Variants in CLIP2 observed in about 807,000 individuals in gnomAD.
CLIP2 encodes the protein CAP-Gly domain containing linker protein 2.
Under a neutral mutation model 111.7 loss-of-function variants are expected in CLIP2, and 41 were observed. That is an observed-to-expected ratio of 0.37 (90% confidence interval 0.29 to 0.48). The LOEUF is 0.48. CLIP2 is among the 20% of genes least tolerant of loss of function. The pLI, the probability that CLIP2 is intolerant of heterozygous loss-of-function variation, is 0.99. For missense variants in CLIP2, 1,160 were observed against 1,422.1 expected (o/e 0.82, Z 2.96); for synonymous variants, 660 against 644.2 (o/e 1.02, Z -0.37).
chr7:74,391,769 G>A (rs540592881), intron 13 of CLIP2, among the ~76,000 whole-genome samples: 3 of 151,988 alleles, frequency 2.0e-5, no homozygotes, highest in East Asian at 1.9e-4. Flanking sequence ...GCAGTGAGTC[G>A]AGATTGTGCC....
chr7:74,403,768 TC>T (rs1380812371), intron 16 of CLIP2, 68 bp from the exon 17 acceptor site: 4 of 1,563,376 alleles, frequency 2.6e-6, no homozygotes, highest in Non-Finnish European at 3.5e-6. Flanking sequence ...CCTCCCTGAC[TC>T]CCCTCTGGCC....
intron 10 of CLIP2, among the ~76,000 whole-genome samples, chr7:74,377,922 T>C (rs1584376652): frequency 6.7e-6 from 1 of 148,924 alleles, no homozygotes; most frequent in South Asian, 2.1e-4. Context: ...GCCTCCCAGG[T>C]TCAAGCAATT....
chr7:74,400,564 C>A lies in CLIP2; in HGVS notation c.3066+9C>A, dbSNP rs886433192. ...GCCCTGACAAGGCCCAGGTGAGCCG[C>A]GGCTGACAGGGCCCACCAGGAGGCA... On this transcript the variant is annotated intron_variant, in intron 15 of 16. Transcript: ENST00000223398. The A allele has an allele frequency of 1.3e-6, 2 of 1,537,998 alleles. No homozygotes were observed. The highest frequency in any genetic ancestry group is 2.4e-5 in the East Asian group (1 of 40,992).
rs1789272485 is a variant in CLIP2 at position 74,331,317 on chromosome 7, AAGGATGAGCCAGTAG to A, written c.122-7128_122-7114del. Among the ~76,000 whole-genome samples the A allele has an allele frequency of 4.0e-5, 6 of 150,080 alleles. 1 individual carries two copies. In the South Asian group the frequency reaches 1.3e-3, roughly 32 times the overall value. On this transcript the variant is annotated intron_variant, in intron 2 of 16. Coordinates refer to ENST00000223398, the MANE Select transcript of CLIP2 (RefSeq NM_003388.5). ...TTCCGTGGAATTGCTAGACTGGGGG[AAGGATGAGCCAGTAG>A]AGCAATGGCGATTTGCAACCTGAGT...
chr7:74,338,543 G>A lies in CLIP2; in HGVS notation c.217G>A (p.Asp73Asn). The A allele has an allele frequency of 6.3e-7, 1 of 1,599,596 alleles. No individual in the cohort carries two copies. The change falls in exon 3 of 17, where the codon GAT becomes AAT. Residue 73 changes from aspartate to asparagine, a missense_variant. Physicochemically the swap from Asp to Asn is conservative, Grantham distance 23 (BLOSUM62 1). This residue lies in a region of CLIP2 where 301 missense variants were observed against 315.2 expected (regional missense o/e 0.96). Coordinates refer to ENST00000223398, the MANE Select transcript of CLIP2 (RefSeq NM_003388.5). The surrounding 1 kb of genome is among the most constrained non-coding windows in gnomAD (Gnocchi z 4.3). ...KPGPKAAEVG[D>N]DFLGDFVVGE... ...GGGCCCCAAGGCGGCGGAAGTGGGG[G>A]ATGACTTCCTGGGGGACTTTGTGGT...
At chr7:74,394,245 A>T (rs12537533) in intron 13 of CLIP2, among the ~76,000 whole-genome samples, 43,156 of 116,144 alleles carry the variant, frequency 0.37, 7,375 homozygotes, top group East Asian at 0.55. Context: ...TTTTCTTCTT[A>T]TTTTTTTTTT....
At position 74,383,811 on chromosome 7, in the gene CLIP2, CA is replaced by C. The variant is rs542429957; in HGVS notation, c.2480-2706del. Among the ~76,000 whole-genome samples, 199 of 152,148 alleles carry C rather than the reference CA, an allele frequency of 1.3e-3. 2 individuals carry two copies. The highest frequency in any genetic ancestry group is 2.7e-3 in the East Asian group (14 of 5,190). ...ACAACATGGCGAAAACCCATCTCTA[CA>C]AAAGAAAAGAAAAAGAAATAAAGAG... On this transcript the variant is annotated intron_variant, in intron 11 of 16. Coordinates refer to ENST00000223398, the MANE Select transcript of CLIP2 (RefSeq NM_003388.5).
Position 74,330,293 on chromosome 7 carries a change from G to A in CLIP2, c.122-8155G>A, listed in dbSNP as rs1584331206. Among the ~76,000 whole-genome samples, 9 of 142,152 alleles carry A rather than the reference G, an allele frequency of 6.3e-5. No individual in the cohort carries two copies. In the South Asian group the frequency reaches 1.3e-3, roughly 21 times the overall value. The allele number at this position is 142,152 out of a possible 152,430, so 93.3% of individuals were successfully genotyped here. On this transcript the variant is annotated intron_variant, in intron 2 of 16. Coordinates refer to ENST00000223398, the MANE Select transcript of CLIP2 (RefSeq NM_003388.5). Reference sequence around the variant, plus strand: ...TTTTTTGAGATGGAGTCTCGCTCCCGTCACCCAGGCTGAAGTGCAGTGGCG... The same window carrying A: ...TTTTTTGAGATGGAGTCTCGCTCCCATCACCCAGGCTGAAGTGCAGTGGCG...
At chr7:74,373,187 G>T in intron 9 of CLIP2, 151 bp downstream of exon 9, 1 of 603,666 alleles carries the variant, frequency 1.7e-6, no homozygotes, top group East Asian at 2.9e-5. Flanking sequence ...TTGGAGGAGG[G>T]AAGTCAAGAT....
intron 1 of CLIP2, among the ~76,000 whole-genome samples, chr7:74,311,472 A>T (rs1244529008): frequency 6.6e-6 from 1 of 152,106 alleles, no homozygotes; most frequent in Non-Finnish European, 1.5e-5. Context: ...TATTGCCTGG[A>T]TGAGTAATGA....
chr7:74,356,633 G>C lies in CLIP2; in HGVS notation c.1017+10G>C, dbSNP rs1554308541. ...CAGCCGCAGTGGCCTGGTGAGGGTGGGGCTGCAGAAGGGGATTCTCTGGTG... is the reference window on the plus strand; with the variant it reads ...CAGCCGCAGTGGCCTGGTGAGGGTGCGGCTGCAGAAGGGGATTCTCTGGTG... On this transcript the variant is annotated intron_variant, in intron 5 of 16. Transcript: ENST00000223398. 9 of 1,608,204 alleles carry C rather than the reference G, an allele frequency of 5.6e-6. No homozygotes were observed. In the South Asian group the frequency reaches 8.8e-5, roughly 16 times the overall value.
At chr7:74,302,548 G>T (rs562725597) in intron 1 of CLIP2, among the ~76,000 whole-genome samples, 2 of 152,232 alleles carry the variant, frequency 1.3e-5, no homozygotes, top group East Asian at 3.9e-4. Flanking sequence ...AGTGAGAAAG[G>T]TAGCATGTGG....
chr7:74,392,458 AG>A (rs1345805284), intron 13 of CLIP2, among the ~76,000 whole-genome samples: 1 of 152,104 alleles, frequency 6.6e-6, no homozygotes, highest in African/African-American at 2.4e-5. Flanking sequence ...ACTTGGGCCC[AG>A]GAAGTGGAGA....
rs782566595 is a variant in CLIP2, at chr7:74,376,836, C to T, written c.2421+14C>T. 1.3e-6 allele frequency: 2 copies of T among 1,555,500 alleles called. No homozygotes were observed. The highest frequency in any genetic ancestry group is 2.4e-5 in the South Asian group (2 of 82,726). On this transcript the variant is annotated intron_variant, in intron 10 of 16. Transcript: ENST00000223398. The surrounding 1 kb of genome is among the most constrained non-coding windows in gnomAD (Gnocchi z 7.1). ...CAGCACACCCACGTAGGCGCCTGCC[C>T]CTCCTGCTGGGGCGGGAGGGTCGGG...
intron 13 of CLIP2, chr7:74,389,542 CAGG>C (rs1230531852): frequency 4.2e-6 from 1 of 237,284 alleles, no homozygotes; most frequent in Non-Finnish European, 7.8e-6. Flanking sequence ...GGATTGAGCC[CAGG>C]AGTTCAAGAC....
At chr7:74,384,809 T>C (rs1791041567) in intron 11 of CLIP2, among the ~76,000 whole-genome samples, 1 of 151,950 alleles carries the variant, frequency 6.6e-6, no homozygotes, top group African/African-American at 2.4e-5. Flanking sequence ...CTTGCTCATT[T>C]TTATAAGTGA....
At chr7:74,388,435 G>A (rs1554315219) in intron 12 of CLIP2, among the ~76,000 whole-genome samples, 1 of 151,718 alleles carries the variant, frequency 6.6e-6, no homozygotes, top group East Asian at 1.9e-4. Flanking sequence ...GGGAGGCGGA[G>A]GTTGCAGTGA....
intron 1 of CLIP2, among the ~76,000 whole-genome samples, chr7:74,306,264 T>C (rs1257154719): frequency 1.3e-5 from 2 of 151,864 alleles, no homozygotes; most frequent in African/African-American, 4.8e-5. Context: ...TGGGGCCTGA[T>C]TGTGGGGACT....
At chr7:74,349,744 C>T (rs1198744909) in intron 3 of CLIP2, among the ~76,000 whole-genome samples, 11 of 150,808 alleles carry the variant, frequency 7.3e-5, no homozygotes, top group African/African-American at 2.7e-4. Context: ...CTCCGGAGTA[C>T]CTGGCATTAC....
Sources: gnomAD v4.1 joint callset for allele counts (sites outside exome capture counted in the v4.1 genomes callset) on GRCh38, gnomAD v4.1.1 for gene constraint, gnomAD v4.1.1 regional missense constraint, Gnocchi (gnomAD v3.1) non-coding constraint, MANE v1.5 for transcripts, NCBI Gene and HGNC (gene_info 2026-07-23, HGNC 2026-07-21) for gene names.